MAD1L1: variants seen among roughly 807,000 people sequenced by gnomAD.
The protein encoded by MAD1L1 is mitotic arrest deficient 1 like 1.
Under a neutral mutation model 96.9 loss-of-function variants are expected in MAD1L1, and 95 were observed. The observed-to-expected ratio is 0.98, with a 90% CI of 0.83 to 1.16. The LOEUF (loss-of-function observed/expected upper bound fraction) is 1.16. Ranked by LOEUF, MAD1L1 falls within the 50% of genes most tolerant of loss-of-function variation. MAD1L1 has a pLI of 0.00. For synonymous variants in MAD1L1, 473 were observed against 396.6 expected (o/e 1.19, Z -2.29); for missense variants, 1,007 against 954.4 (o/e 1.06, Z -0.73).
chr7:1,900,959 C>A (rs990547305), intron 17 of MAD1L1, among the ~76,000 whole-genome samples: 1 of 152,066 alleles, frequency 6.6e-6, no homozygotes, highest in Non-Finnish European at 1.5e-5. Context: ...ACCACCCATG[C>A]GGCTGGGAGC....
At chr7:1,973,917 C>G (rs1418268664) in intron 15 of MAD1L1, among the ~76,000 whole-genome samples, 1 of 152,232 alleles carries the variant, frequency 6.6e-6, no homozygotes, top group Admixed American at 6.5e-5. Flanking sequence ...GACACAGGAG[C>G]AGTGCCGGCT....
intron 11 of MAD1L1, among the ~76,000 whole-genome samples, chr7:2,122,080 T>C (rs1788008078): frequency 1.3e-5 from 2 of 152,158 alleles, no homozygotes; most frequent in African/African-American, 2.4e-5. Flanking sequence ...TAAAAGTGTC[T>C]TCCTGGCTTG....
chr7:2,189,335 G>A (rs1367859868), intron 10 of MAD1L1, among the ~76,000 whole-genome samples: 1 of 152,186 alleles, frequency 6.6e-6, no homozygotes, highest in Non-Finnish European at 1.5e-5. Context: ...AGAGATATCT[G>A]CCCGCTCGTG....
At chr7:2,185,586 C>G (rs1052649458) in intron 10 of MAD1L1, among the ~76,000 whole-genome samples, 2 of 152,114 alleles carry the variant, frequency 1.3e-5, no homozygotes, top group African/African-American at 4.8e-5. Context: ...GGAACTGCAT[C>G]TGGCAACACA....
At chr7:2,150,094 C>A (rs1157620980) in intron 10 of MAD1L1, among the ~76,000 whole-genome samples, 1 of 152,222 alleles carries the variant, frequency 6.6e-6, no homozygotes, top group African/African-American at 2.4e-5. Context: ...GAGCCCCACC[C>A]AGCCCCACTC....
intron 10 of MAD1L1, among the ~76,000 whole-genome samples, chr7:2,210,190 A>T (rs1792836392): frequency 6.6e-6 from 1 of 152,132 alleles, no homozygotes; most frequent in South Asian, 2.1e-4. Context: ...CTCCCACCTT[A>T]GCCTCCTGAG....
intron 16 of MAD1L1, among the ~76,000 whole-genome samples, chr7:1,949,048 T>C (rs547452060): frequency 1.3e-5 from 2 of 152,206 alleles, no homozygotes; most frequent in African/African-American, 4.8e-5. Flanking sequence ...GGGGCTTCCC[T>C]GGACCTGTCA....
At position 1,815,920 on chromosome 7, in the gene MAD1L1, C is replaced by G; in HGVS notation, c.*150G>C. ...GGTGCTGGCCGCCCCAGCAGGAAGC[C>G]CGACGTAGGTCCCAGCGTGTCTGTC... On this transcript the variant is annotated 3_prime_UTR_variant, in exon 19 of 19. Transcript: ENST00000265854. The G allele has an allele frequency of 1.1e-6, 1 of 946,078 alleles. No individual in the cohort carries two copies. The highest frequency in any genetic ancestry group is 1.5e-6 in the Non-Finnish European group (1 of 654,672). 58.6% of individuals were successfully genotyped at this position (946,078 alleles called of 1,614,324 possible). A position where few individuals can be genotyped will look rare whatever the true frequency, so the allele number is the denominator to read the frequency against.
intron 18 of MAD1L1, among the ~76,000 whole-genome samples, chr7:1,820,974 G>A (rs1271742768): frequency 2.0e-5 from 3 of 151,002 alleles, no homozygotes; most frequent in Non-Finnish European, 3.0e-5. Flanking sequence ...CCAGCTCCTT[G>A]GGAGGCTGAG....
At chr7:2,213,189 C>G (rs759387481) in intron 10 of MAD1L1, 23 bp downstream of exon 10, 2 of 1,613,844 alleles carry the variant, frequency 1.2e-6, no homozygotes, top group Non-Finnish European at 1.7e-6. Context: ...GGCGGGACCC[C>G]GGAGACACCT....
At chr7:1,818,681 C>T (rs1781959004) in intron 18 of MAD1L1, among the ~76,000 whole-genome samples, 1 of 152,134 alleles carries the variant, frequency 6.6e-6, no homozygotes, top group Non-Finnish European at 1.5e-5. Context: ...GTGAGGATTA[C>T]AGGCGTGAGC....
At chr7:1,869,190 C>T (rs1293084902) in intron 18 of MAD1L1, among the ~76,000 whole-genome samples, 1 of 152,130 alleles carries the variant, frequency 6.6e-6, no homozygotes, top group African/African-American at 2.4e-5. Flanking sequence ...AAGGAGAAGG[C>T]ACACACGCTG....
Position 1,939,829 on chromosome 7 carries a change from C to T in MAD1L1, c.1597-2932G>A, listed in dbSNP as rs530601058. Among the ~76,000 whole-genome samples the T allele has an allele frequency of 1.2e-3, 172 of 146,924 alleles. 1 individual carries two copies. The highest frequency in any genetic ancestry group is 3.7e-3 in the African/African-American group (153 of 41,412). On this transcript the variant is annotated intron_variant, in intron 16 of 18. Transcript: ENST00000265854. The stretch of plus-strand genomic sequence containing the variant: ...CACTGCTCTCCAAGTCCCCGAAGGA[C>T]GGCGAGGCCTGGCTTGGGCTGTACC...
chr7:2,012,190 C>T (rs1169111224), intron 13 of MAD1L1, among the ~76,000 whole-genome samples: 1 of 152,218 alleles, frequency 6.6e-6, no homozygotes, highest in Non-Finnish European at 1.5e-5. Flanking sequence ...CCAAACAGTG[C>T]CAGCATCTGG....
chr7:2,032,270 A>C (rs927399340), intron 12 of MAD1L1, among the ~76,000 whole-genome samples: 1 of 152,230 alleles, frequency 6.6e-6, no homozygotes, highest in African/African-American at 2.4e-5. Flanking sequence ...CTCCTGAGGC[A>C]GGCTGGAGTC....
intron 18 of MAD1L1, chr7:1,854,280 C>T (rs1784128400): frequency 2.4e-6 from 1 of 419,998 alleles, no homozygotes; most frequent in South Asian, 1.7e-5. Context: ...CTGGGAGTGG[C>T]TGAGACTGCC....
intron 18 of MAD1L1, 68 bp downstream of exon 18, chr7:1,898,132 G>A (rs1486500516): frequency 6.0e-6 from 9 of 1,491,108 alleles, no homozygotes; most frequent in East Asian, 4.9e-5. Flanking sequence ...TGAGGGCTAC[G>A]GTCGGATCTC....
chr7:1,951,098 G>A (rs547889927), intron 16 of MAD1L1, among the ~76,000 whole-genome samples: 5 of 152,372 alleles, frequency 3.3e-5, no homozygotes, highest in East Asian at 1.9e-4. Context: ...CTGGCCTGCC[G>A]AGGAAGTGAA....
chr7:1,936,993 C>T (rs1778650303), intron 16 of MAD1L1, 96 bp from the exon 17 acceptor site: 2 of 944,366 alleles, frequency 2.1e-6, no homozygotes, highest in Admixed American at 2.2e-5. Context: ...GGAAGACACA[C>T]AGCACGGGTC....
Sources: allele counts gnomAD v4.1 joint callset (sites outside exome capture counted in the v4.1 genomes callset), GRCh38; gene constraint gnomAD v4.1.1; transcripts MANE v1.5; gene names NCBI Gene and HGNC (gene_info 2026-07-23, HGNC 2026-07-21).